The following PIGG variants were observed in gnomAD, a reference collection of about 807,000 sequenced individuals.
PIGG encodes the protein phosphatidylinositol glycan anchor biosynthesis class G (EMM blood group), also known as GPI ethanolamine phosphate transferase 2, catalytic subunit.
Under a neutral mutation model 83.2 loss-of-function variants are expected in PIGG, and 70 were observed. That is an observed-to-expected ratio of 0.84 (90% CI 0.69 to 1.03). PIGG has a LOEUF of 1.03. Ranked by LOEUF, PIGG falls within the 50% of genes least tolerant of loss-of-function variation. PIGG has a pLI of 0.00. For synonymous variants in PIGG, 532 were observed against 519.5 expected (o/e 1.02, Z -0.33); for missense variants, 1,257 against 1,233.6 (o/e 1.02, Z -0.28).
Position 528,782 on chromosome 4 carries a change from C to G in PIGG, c.2261+1552C>G. 1.1e-6 allele frequency: 1 copy of G among 937,850 alleles called. No individual in the cohort carries two copies. Among genetic ancestry groups the G allele is most frequent in the Non-Finnish European group, 1.3e-6 (1 of 786,546 alleles). The allele number at this position is 937,850 out of a possible 1,614,324, so 58.1% of individuals were successfully genotyped here. A position where few individuals can be genotyped will look rare whatever the true frequency, so the allele number is the denominator to read the frequency against. ...ACCTTGGCCCTCTTCCCTTTCCTGG[C>G]CTGCTTCCTGCAGCATGTAATTTGC... On this transcript the variant is annotated intron_variant, in intron 10 of 12. Transcript: ENST00000453061. This position sits in a 1 kb window ranked among gnomAD's most constrained non-coding sequence, Gnocchi z 4.8.
chr4:518,390 A>G (rs1326874105), intron 6 of PIGG, among the ~76,000 whole-genome samples: 1 of 152,062 alleles, frequency 6.6e-6, no homozygotes, highest in Non-Finnish European at 1.5e-5. Context: ...TCAGGAGATC[A>G]AGACCGTCCT....
chr4:537,212 CAG>C (rs1447004265), intron 12 of PIGG: 1 of 152,160 alleles, frequency 6.6e-6, no homozygotes, highest in African/African-American at 2.4e-5. Context: ...AAATTGTAGA[CAG>C]AGAAAATATG....
intron 4 of PIGG, 28 bp from the exon 5 acceptor site, chr4:508,801 G>A (rs1720838427): frequency 1.2e-6 from 2 of 1,611,648 alleles, no homozygotes; most frequent in Non-Finnish European, 1.7e-6. Flanking sequence ...TCTGAACGCA[G>A]TTGAAATGTT....
In PIGG at chr4:527,133, G is replaced by T. The variant is rs1490299578; in HGVS notation, c.2164G>T (p.Ala722Ser). The T allele has an allele frequency of 5.6e-6, 9 of 1,613,988 alleles. No homozygotes were observed. Among genetic ancestry groups the T allele is most frequent in the Middle Eastern group, 1.6e-4 (1 of 6,070 alleles). The part of the protein sequence containing the change: ...VQRGCSPVSK[A>S]ALALGLLGVY... The stretch of plus-strand genomic sequence containing the variant: ...GAGGGGGTGCTCCCCTGTGTCCAAG[G>T]CTGCCCTGGCGCTGGGGCTGCTGGG... Residue 722 changes from alanine (A) to serine (S), a missense_variant, in exon 10 of 13, where the codon GCT becomes TCT. Transcript: ENST00000453061.
intron 5 of PIGG, among the ~76,000 whole-genome samples, chr4:510,062 G>A (rs538677440): frequency 6.6e-6 from 1 of 152,064 alleles, no homozygotes; most frequent in Non-Finnish European, 1.5e-5. Flanking sequence ...AGCTCGGTCC[G>A]GGAGACTTTG....
In PIGG at chr4:539,140, T is replaced by G; in HGVS notation, c.2736-13T>G. The G allele has an allele frequency of 6.4e-7, 1 of 1,568,278 alleles. No individual in the cohort carries two copies. The highest frequency in any genetic ancestry group is 8.8e-7 in the Non-Finnish European group (1 of 1,140,108). On this transcript the variant is annotated splice_polypyrimidine_tract_variant and intron_variant, in intron 12 of 12. Coordinates refer to ENST00000453061, the MANE Select transcript of PIGG (RefSeq NM_001127178.3). Reference sequence around the variant, plus strand: ...TGGCATGTGCTAATACACATTTTCTTTCTTATTAACAGTGGTTCAGCACTG... The same window carrying G: ...TGGCATGTGCTAATACACATTTTCTGTCTTATTAACAGTGGTTCAGCACTG...
intron 11 of PIGG, chr4:532,378 C>A (rs1324823131): frequency 6.6e-6 from 1 of 152,446 alleles, no homozygotes; most frequent in African/African-American, 2.4e-5. Context: ...TCCCCTGCTC[C>A]CATCGTGGCA....
rs564269672 is a variant in PIGG at position 507,936 on chromosome 4, G to C, written c.759+343G>C. ...CACTTTCTGTTCTGTGTCACTCTCT[G>C]TTCTGTGTCACTCTCTCTTCTGTGT... On this transcript the variant is annotated intron_variant, in intron 4 of 12. Coordinates refer to ENST00000453061, the MANE Select transcript of PIGG (RefSeq NM_001127178.3). Among the ~76,000 whole-genome samples the C allele has an allele frequency of 4.6e-5, 7 of 152,026 alleles. No homozygotes were observed. The East Asian group carries it at 5.8e-4, about 13-fold the overall frequency.
chr4:524,354 G>T (rs1299495815), intron 9 of PIGG, among the ~76,000 whole-genome samples: 1 of 152,198 alleles, frequency 6.6e-6, no homozygotes, highest in Non-Finnish European at 1.5e-5. Flanking sequence ...CGGGTCACAT[G>T]TAAGGAAAGA....
intron 1 of PIGG, chr4:500,037 A>T (rs139750696): frequency 6.0e-4 from 163 of 270,594 alleles, no homozygotes; most frequent in African/African-American, 3.4e-3. Context: ...GCCGCTGACC[A>T]TGTAAACGCA....
intron 5 of PIGG, among the ~76,000 whole-genome samples, chr4:509,764 TTC>T (rs1246801049): frequency 6.6e-6 from 1 of 152,220 alleles, no homozygotes; most frequent in African/African-American, 2.4e-5. Context: ...TCTTGTTTCG[TTC>T]TGCATTAGCC....
At chr4:535,488 C>T (rs1577160473) in intron 12 of PIGG, among the ~76,000 whole-genome samples, 1 of 152,248 alleles carries the variant, frequency 6.6e-6, no homozygotes, top group Admixed American at 6.5e-5. Context: ...CAGCCTCCCG[C>T]ACTTTCTGGG....
At position 516,032 on chromosome 4, in the gene PIGG, G is replaced by A. The variant is rs745795457; in HGVS notation, c.961G>A (p.Ala321Thr). ...GGATGTGGCTGCGACACTGGCGATA[G>A]CACTTGGCTTACCGATTCCAAAAGA... ...QTDVAATLAIALGLPIPKDSV... is the reference protein window; with the variant it reads ...QTDVAATLAITLGLPIPKDSV... Residue 321 changes from alanine (A) to threonine (T), a missense_variant, in exon 6 of 13, where the codon GCA becomes ACA. Physicochemically the swap from Ala to Thr is moderately conservative, Grantham distance 58. Transcript: ENST00000453061. The A allele has an allele frequency of 5.0e-6, 8 of 1,614,236 alleles. No individual in the cohort carries two copies. Among genetic ancestry groups the A allele is most frequent in the Middle Eastern group, 1.6e-4 (1 of 6,062 alleles).
At chr4:526,481 A>G (rs910657314) in intron 9 of PIGG, among the ~76,000 whole-genome samples, 5 of 152,270 alleles carry the variant, frequency 3.3e-5, no homozygotes, top group African/African-American at 1.2e-4. Flanking sequence ...CTCACCCAGG[A>G]GCGGGTGACA....
intron 1 of PIGG, 80 bp downstream of exon 1, chr4:499,569 G>A (rs1263909037): frequency 6.8e-6 from 10 of 1,463,584 alleles, no homozygotes; most frequent in East Asian, 2.6e-5. Flanking sequence ...TCGCTGCTCG[G>A]ATTTCTTCTC....
At position 521,683 on chromosome 4, in the gene PIGG, C is replaced by T. The variant is rs369131902; in HGVS notation, c.1356C>T (p.Ser452=). ...AGGTTCTCACCCTGCTCCTGCTCAG[C>T]GTCCCACAGGCACTGCGCAGAAAGG... ...VLEVLTLLLL[S]VPQALRRKAE... is the part of the protein sequence containing the mutation. The change falls in exon 8 of 13, where the codon AGC becomes AGT. Residue 452 remains serine (S), a synonymous_variant. Transcript: ENST00000453061. The T allele has an allele frequency of 2.3e-5, 37 of 1,613,980 alleles. 1 individual carries two copies. Among genetic ancestry groups the T allele is most frequent in the Admixed American group, 2.0e-4 (12 of 60,004 alleles).
At chr4:521,530 A>G in intron 7 of PIGG, 130 bp from the exon 8 acceptor site, 1 of 897,072 alleles carries the variant, frequency 1.1e-6, no homozygotes, top group Non-Finnish European at 1.7e-6. Context: ...ATTAGGAATC[A>G]TCTTTTCCTG....
intron 10 of PIGG, 123 bp downstream of exon 10, chr4:527,353 G>A: frequency 1.4e-6 from 2 of 1,410,804 alleles, no homozygotes; most frequent in South Asian, 3.2e-5. Flanking sequence ...AGTCTTCAGA[G>A]CATTGGAGTT....
chr4:506,822 T>C, intron 3 of PIGG: 1 of 456,216 alleles, frequency 2.2e-6, no homozygotes, highest in Non-Finnish European at 4.4e-6. Flanking sequence ...AGGACACATG[T>C]AGATGCCCTC....
Sources: gnomAD v4.1 joint callset for allele counts (sites outside exome capture counted in the v4.1 genomes callset) on GRCh38, gnomAD v4.1.1 for gene constraint, Gnocchi (gnomAD v3.1) non-coding constraint, MANE v1.5 for transcripts, NCBI Gene and HGNC (gene_info 2026-07-23, HGNC 2026-07-21) for gene names.